Variants in SPOCK1 observed in about 807,000 individuals in gnomAD.
SPOCK1 encodes the protein SPARC (osteonectin), cwcv and kazal like domains proteoglycan 1, also known as testican-1.
Under a neutral mutation model 55.3 loss-of-function variants are expected in SPOCK1, and 23 were observed. The ratio of observed to expected loss-of-function variants is 0.42; its 90% CI spans 0.30 to 0.59. The LOEUF (loss-of-function observed/expected upper bound fraction) is 0.59, where lower values mean the gene tolerates loss of function less well. Ranked by LOEUF, SPOCK1 falls within the 20% of genes least tolerant of loss-of-function variation. The probability of loss-of-function intolerance (pLI) is 0.22; values close to 1 mark genes in which losing one functional copy is unlikely to be tolerated. For synonymous variants in SPOCK1, 226 were observed against 221.0 expected (o/e 1.02, Z -0.20); for missense variants, 499 against 552.5 (o/e 0.90, Z 0.97).
chr5:137,196,914 G>C (rs538386315), intron 3 of SPOCK1, among the ~76,000 whole-genome samples: 1 of 152,310 alleles, frequency 6.6e-6, no homozygotes, highest in South Asian at 2.1e-4. Flanking sequence ...AGCTGGTCTA[G>C]TTTCATGAGA....
At chr5:137,179,802 AAG>A (rs1328095345) in intron 3 of SPOCK1, among the ~76,000 whole-genome samples, 1 of 152,132 alleles carries the variant, frequency 6.6e-6, no homozygotes, top group African/African-American at 2.4e-5. Flanking sequence ...GGGGATTAAT[AAG>A]ACTGTCCCTA....
chr5:137,139,996 G>T (rs1018761242), intron 4 of SPOCK1, among the ~76,000 whole-genome samples: 1 of 152,148 alleles, frequency 6.6e-6, no homozygotes, highest in Non-Finnish European at 1.5e-5. Flanking sequence ...AGAAGATGGG[G>T]GATACTTCCC....
intron 2 of SPOCK1, among the ~76,000 whole-genome samples, chr5:137,444,480 T>C (rs1023363424): frequency 2.6e-5 from 4 of 152,168 alleles, no homozygotes; most frequent in Non-Finnish European, 4.4e-5. Flanking sequence ...GAACTCAGAA[T>C]GGCCAGATGT....
intron 3 of SPOCK1, among the ~76,000 whole-genome samples, chr5:137,265,997 C>G (rs887606693): frequency 1.3e-5 from 2 of 152,144 alleles, no homozygotes; most frequent in African/African-American, 4.8e-5. Context: ...AATTGTTACA[C>G]TACTTCAAAG....
intron 3 of SPOCK1, among the ~76,000 whole-genome samples, chr5:137,165,027 G>A (rs1436114738): frequency 6.6e-6 from 1 of 152,226 alleles, no homozygotes; most frequent in East Asian, 1.9e-4. Context: ...GACCTGGCTG[G>A]CTTTGCTATC....
intron 3 of SPOCK1, among the ~76,000 whole-genome samples, chr5:137,217,104 GA>G (rs1481944726): frequency 6.6e-6 from 1 of 152,136 alleles, no homozygotes; most frequent in African/African-American, 2.4e-5. Context: ...AAGCCACAAG[GA>G]ATCAAGATAA....
At chr5:137,266,417 A>G (rs1756853782) in intron 3 of SPOCK1, among the ~76,000 whole-genome samples, 1 of 152,126 alleles carries the variant, frequency 6.6e-6, no homozygotes, top group African/African-American at 2.4e-5. Context: ...ACTGTTAGTG[A>G]TTTACAACAG....
chr5:137,293,844 GTC>G (rs1466953078), intron 2 of SPOCK1, among the ~76,000 whole-genome samples: 2 of 152,038 alleles, frequency 1.3e-5, no homozygotes, highest in Non-Finnish European at 2.9e-5. Flanking sequence ...GTGAAACCCC[GTC>G]TCTACTAAAA....
In SPOCK1 at chr5:137,069,097, C is replaced by T. The variant is rs189993967; in HGVS notation, c.475-1268G>A. Among the ~76,000 whole-genome samples the T allele has an allele frequency of 2.8e-4, 43 of 152,372 alleles. 1 individual carries two copies. In the East Asian group the frequency reaches 7.7e-3, roughly 27 times the overall value. On this transcript the variant is annotated intron_variant, in intron 5 of 10. Coordinates refer to ENST00000394945, the MANE Select transcript of SPOCK1 (RefSeq NM_004598.4). ...AATGCATACCTTTGAAAAAAGTCCACTAGCATTTGCAAAGCCACACACGAG... is the reference window on the plus strand; with the variant it reads ...AATGCATACCTTTGAAAAAAGTCCATTAGCATTTGCAAAGCCACACACGAG...
chr5:137,088,189 G>T (rs571863405), intron 5 of SPOCK1, among the ~76,000 whole-genome samples: 1 of 152,298 alleles, frequency 6.6e-6, no homozygotes, highest in South Asian at 2.1e-4. Flanking sequence ...GGACTAATCT[G>T]GGTCCCTCTC....
At chr5:137,256,088 G>A (rs1756624665) in intron 3 of SPOCK1, among the ~76,000 whole-genome samples, 1 of 152,122 alleles carries the variant, frequency 6.6e-6, no homozygotes, top group East Asian at 1.9e-4. Context: ...AGATCACATG[G>A]GTTCCACTTT....
intron 3 of SPOCK1, among the ~76,000 whole-genome samples, chr5:137,217,130 C>A (rs1755732038): frequency 1.3e-5 from 2 of 152,174 alleles, no homozygotes; most frequent in Non-Finnish European, 2.9e-5. Flanking sequence ...ACAAAGACAA[C>A]AAAACTCAGT....
chr5:136,984,951 A>G (rs1437997693), intron 9 of SPOCK1, among the ~76,000 whole-genome samples, 189 bp downstream of exon 9: 1 of 152,194 alleles, frequency 6.6e-6, no homozygotes, highest in East Asian at 1.9e-4. Context: ...AGGAACACAC[A>G]GCAGTTTTCA....
At chr5:137,433,806 A>G (rs1308571853) in intron 2 of SPOCK1, among the ~76,000 whole-genome samples, 2 of 152,232 alleles carry the variant, frequency 1.3e-5, no homozygotes, top group Admixed American at 6.5e-5. Context: ...GCCCTTTGAA[A>G]GCATTTTCCA....
chr5:137,052,960 T>C (rs1752232549), intron 6 of SPOCK1, among the ~76,000 whole-genome samples: 2 of 151,824 alleles, frequency 1.3e-5, no homozygotes, highest in Non-Finnish European at 2.9e-5. Context: ...AGTTAGGTGG[T>C]TTCTTCTGTC....
intron 2 of SPOCK1, among the ~76,000 whole-genome samples, chr5:137,410,592 C>T (rs1243348328): frequency 6.6e-6 from 1 of 152,214 alleles, no homozygotes; most frequent in African/African-American, 2.4e-5. Flanking sequence ...CAGAAGATAT[C>T]CCTGCATTTT....
At chr5:137,123,758 A>G (rs1171136515) in intron 4 of SPOCK1, among the ~76,000 whole-genome samples, 1 of 152,142 alleles carries the variant, frequency 6.6e-6, no homozygotes, top group Admixed American at 6.5e-5. Flanking sequence ...AATCACCTAG[A>G]GGAAGGGGAT....
At chr5:136,993,160 T>A (rs547013111) in intron 6 of SPOCK1, 4 of 152,398 alleles carry the variant, frequency 2.6e-5, no homozygotes, top group Non-Finnish European at 5.9e-5. Flanking sequence ...TGTAAACAGA[T>A]GGATGCCTTC....
At chr5:137,048,758 T>C (rs1284039894) in intron 6 of SPOCK1, among the ~76,000 whole-genome samples, 4 of 115,012 alleles carry the variant, frequency 3.5e-5, no homozygotes, top group African/African-American at 1.4e-4. Context: ...CATTTTGGCA[T>C]GATTTTGCAG....
Sources: allele counts gnomAD v4.1 joint callset (sites outside exome capture counted in the v4.1 genomes callset), GRCh38; gene constraint gnomAD v4.1.1; transcripts MANE v1.5; gene names NCBI Gene and HGNC (gene_info 2026-07-23, HGNC 2026-07-21).